The following SLC8A3 variants were observed in gnomAD, a reference collection of about 807,000 sequenced individuals.
SLC8A3 encodes the protein sodium/calcium exchanger 3.
A neutral mutation model predicts 65.4 loss-of-function variants in SLC8A3; 37 were observed. That is an observed-to-expected ratio of 0.57 (90% CI 0.44 to 0.74). The LOEUF is 0.74. Among genes scored for constraint, SLC8A3 ranks in the 30% least tolerant of loss-of-function variants. The pLI is 0.00. For missense variants in SLC8A3, 1,112 were observed against 1,172.1 expected, an observed-to-expected ratio of 0.95 and a Z score of 0.75; for synonymous variants, 461 against 444.5, an observed-to-expected ratio of 1.04 and a Z score of -0.47.
At chr14:70,171,521 C>T (rs1420264468) in intron 1 of SLC8A3, among the ~76,000 whole-genome samples, 2 of 152,256 alleles carry the variant, frequency 1.3e-5, no homozygotes, top group South Asian at 2.1e-4. Flanking sequence ...AAAGGCAAGG[C>T]CTGGCTCAGT....
intron 2 of SLC8A3, among the ~76,000 whole-genome samples, chr14:70,085,106 G>A (rs1214898783): frequency 6.6e-6 from 1 of 152,142 alleles, no homozygotes; most frequent in African/African-American, 2.4e-5. Flanking sequence ...TTTATCTTAA[G>A]AGCTTCACAT....
chr14:70,072,385 AAG>A (rs1566756598), intron 2 of SLC8A3, among the ~76,000 whole-genome samples: 1 of 152,188 alleles, frequency 6.6e-6, no homozygotes, highest in Non-Finnish European at 1.5e-5. Context: ...TCAGGGCAAA[AAG>A]AGGGAATTTC....
intron 2 of SLC8A3, among the ~76,000 whole-genome samples, chr14:70,072,105 G>A (rs955522344): frequency 2.0e-5 from 3 of 152,206 alleles, no homozygotes; most frequent in Admixed American, 6.5e-5. Flanking sequence ...TGCTGGACAT[G>A]TTTATGGATG....
At chr14:70,171,545 A>G (rs1264013095) in intron 1 of SLC8A3, among the ~76,000 whole-genome samples, 4 of 152,210 alleles carry the variant, frequency 2.6e-5, no homozygotes, top group African/African-American at 9.6e-5. Context: ...TCACACCTGT[A>G]ATCCCAGCAC....
chr14:70,057,151 G>A lies in SLC8A3; in HGVS notation c.1888+3685C>T, dbSNP rs140659003. Among the ~76,000 whole-genome samples the A allele has an allele frequency of 1.1e-3, 161 of 152,290 alleles. 5 individuals are homozygous for A. The East Asian group carries it at 0.019, about 18-fold the overall frequency. Reference sequence around the variant, plus strand: ...ATCATCCTATATTCACAGCCACTGAGATATATGTGGATCCAGAGTCTGCAT... The same window carrying A: ...ATCATCCTATATTCACAGCCACTGAAATATATGTGGATCCAGAGTCTGCAT... On this transcript the variant is annotated intron_variant, in intron 3 of 6. Transcript: ENST00000356921.
rs571885595 is a variant in SLC8A3, at chr14:70,105,989, C to T, written c.1785-45050G>A. On this transcript the variant is annotated intron_variant, in intron 2 of 6. Transcript: ENST00000356921. ...ATATTAGAAGCTTTAGAAAGCAAAA[C>T]GATATGATCATTTCAACAGATACAT... Among the ~76,000 whole-genome samples the T allele has an allele frequency of 1.1e-4, 16 of 151,578 alleles. No individual in the cohort carries two copies. In the South Asian group the frequency reaches 1.5e-3, roughly 14 times the overall value.
At chr14:70,150,949 T>TG (rs1896231775) in intron 2 of SLC8A3, among the ~76,000 whole-genome samples, 1 of 152,172 alleles carries the variant, frequency 6.6e-6, no homozygotes, top group Non-Finnish European at 1.5e-5. Context: ...CTGGAACTTC[T>TG]GGGCAGTTGT....
At chr14:70,103,848 A>G (rs890605986) in intron 2 of SLC8A3, among the ~76,000 whole-genome samples, 11 of 152,106 alleles carry the variant, frequency 7.2e-5, no homozygotes, top group Admixed American at 7.2e-4. Flanking sequence ...AAAGGAGTAA[A>G]AATAATCAAG....
chr14:70,157,220 T>A (rs551063354), intron 2 of SLC8A3, among the ~76,000 whole-genome samples: 1 of 152,184 alleles, frequency 6.6e-6, no homozygotes, highest in Non-Finnish European at 1.5e-5. Flanking sequence ...TTAGAATGTG[T>A]GCCAGTTTGG....
At chr14:70,050,029 A>G (rs1039782872) in intron 5 of SLC8A3, among the ~76,000 whole-genome samples, 1 of 152,224 alleles carries the variant, frequency 6.6e-6, no homozygotes, top group Non-Finnish European at 1.5e-5. Context: ...TGGGGTTTGA[A>G]AGAACAGGAG....
At chr14:70,087,346 C>G (rs1237798396) in intron 2 of SLC8A3, among the ~76,000 whole-genome samples, 1 of 152,202 alleles carries the variant, frequency 6.6e-6, no homozygotes, top group Non-Finnish European at 1.5e-5. Flanking sequence ...TGTGCAACTT[C>G]CATTTATCTT....
intron 2 of SLC8A3, among the ~76,000 whole-genome samples, chr14:70,062,762 C>T (rs1333238258): frequency 6.6e-6 from 1 of 152,178 alleles, no homozygotes; most frequent in Non-Finnish European, 1.5e-5. Flanking sequence ...TGTCAAGAGG[C>T]ATTTTTTTGG....
intron 2 of SLC8A3, among the ~76,000 whole-genome samples, chr14:70,092,634 TA>T (rs1274235871): frequency 2.6e-5 from 4 of 152,226 alleles, no homozygotes; most frequent in Non-Finnish European, 4.4e-5. Flanking sequence ...ATGAATGGCC[TA>T]AATGTTCTCT....
intron 2 of SLC8A3, among the ~76,000 whole-genome samples, chr14:70,154,338 A>G (rs1221262700): frequency 6.6e-6 from 1 of 152,244 alleles, no homozygotes; most frequent in Non-Finnish European, 1.5e-5. Context: ...TAAACATTTA[A>G]AAGTGCACAA....
intron 2 of SLC8A3, among the ~76,000 whole-genome samples, chr14:70,132,356 T>A (rs1259211276): frequency 6.6e-6 from 1 of 152,246 alleles, no homozygotes; most frequent in Non-Finnish European, 1.5e-5. Context: ...TTTGAGTATT[T>A]AGTGAGAGTC....
intron 2 of SLC8A3, among the ~76,000 whole-genome samples, chr14:70,075,183 A>T (rs1186890857): frequency 2.0e-5 from 3 of 151,980 alleles, no homozygotes; most frequent in Non-Finnish European, 4.4e-5. Context: ...GTTTAATATA[A>T]CTAGGGCTTT....
At position 70,084,871 on chromosome 14, in the gene SLC8A3, GGT is replaced by G. The variant is rs1594957532; in HGVS notation, c.1785-23934_1785-23933del. Among the ~76,000 whole-genome samples, 3 of 152,130 alleles carry G rather than the reference GGT, an allele frequency of 2.0e-5. No individual in the cohort carries two copies. The East Asian group carries it at 5.8e-4, about 29-fold the overall frequency. On this transcript the variant is annotated intron_variant, in intron 2 of 6. Coordinates refer to ENST00000356921, the MANE Select transcript of SLC8A3 (RefSeq NM_182932.3). ...TACTTGTTTGACATTGGACATGGGA[GGT>G]GTCAAGAATGTGATGGAAGAATGAG...
intron 2 of SLC8A3, among the ~76,000 whole-genome samples, chr14:70,151,513 C>A (rs181019853): frequency 1.4e-5 from 1 of 73,726 alleles, no homozygotes; most frequent in Non-Finnish European, 2.6e-5. Flanking sequence ...TGTGGGTCAG[C>A]GTCCTGAGGG....
At chr14:70,185,996 C>T (rs535150118) in intron 1 of SLC8A3, among the ~76,000 whole-genome samples, 3 of 152,202 alleles carry the variant, frequency 2.0e-5, no homozygotes, top group Non-Finnish European at 2.9e-5. Flanking sequence ...GACTCCACGG[C>T]CAAATATGGC....
Sources: gnomAD v4.1 joint callset for allele counts (sites outside exome capture counted in the v4.1 genomes callset) on GRCh38, gnomAD v4.1.1 for gene constraint, MANE v1.5 for transcripts, NCBI Gene and HGNC (gene_info 2026-07-23, HGNC 2026-07-21) for gene names.